The following SORCS2 variants were observed in gnomAD, a reference collection of about 807,000 sequenced individuals.
SORCS2 encodes VPS10 domain-containing receptor SorCS2.
A neutral mutation model predicts 141.6 loss-of-function variants in SORCS2; 100 were observed. The observed-to-expected ratio is 0.71, with a 90% CI of 0.60 to 0.83. The LOEUF (loss-of-function observed/expected upper bound fraction) is 0.83. Among genes scored for constraint, SORCS2 ranks in the 40% least tolerant of loss-of-function variants. The pLI is 0.00. For missense variants in SORCS2, 1,646 were observed against 1,560.2 expected (o/e 1.05, Z -0.93); for synonymous variants, 789 against 676.9 (o/e 1.17, Z -2.57).
At position 7,698,299 on chromosome 4, in the gene SORCS2, C is replaced by A. The variant is rs554704448; in HGVS notation, c.1668+1025C>A. 1.4e-3 allele frequency among the ~76,000 whole-genome samples: 210 copies of A among 152,324 alleles called. 1 individual carries two copies. The highest frequency in any genetic ancestry group is 5.4e-4 in the Non-Finnish European group (37 of 68,022). On this transcript the variant is annotated intron_variant, in intron 12 of 26. Coordinates refer to ENST00000507866, the MANE Select transcript of SORCS2 (RefSeq NM_020777.3). ...GGTCAGTGTTTTACACGCCCGAGTA[C>A]CCCAGCCACGGCCCCCCTCCCACAC...
At chr4:7,411,887 C>T (rs1426827556) in intron 2 of SORCS2, among the ~76,000 whole-genome samples, 1 of 152,156 alleles carries the variant, frequency 6.6e-6, no homozygotes, top group Non-Finnish European at 1.5e-5. Flanking sequence ...CACAGCCTCC[C>T]TTCTCTTAAA....
chr4:7,618,012 C>G (rs1159448858), intron 3 of SORCS2, among the ~76,000 whole-genome samples: 2 of 152,190 alleles, frequency 1.3e-5, no homozygotes, highest in Middle Eastern at 6.8e-3. Flanking sequence ...GATATTATGT[C>G]TGCACCCCCA....
intron 2 of SORCS2, among the ~76,000 whole-genome samples, chr4:7,505,026 A>G (rs1732192904): frequency 6.6e-6 from 1 of 152,140 alleles, no homozygotes; most frequent in Non-Finnish European, 1.5e-5. Flanking sequence ...ACCAAAGTCA[A>G]TAGGGGTGAA....
At chr4:7,439,696 A>T (rs1157497351) in intron 2 of SORCS2, among the ~76,000 whole-genome samples, 1 of 152,182 alleles carries the variant, frequency 6.6e-6, no homozygotes, top group East Asian at 1.9e-4. Context: ...TGATGTTATG[A>T]GATCCAGGCA....
chr4:7,425,017 C>T (rs1413912856), intron 2 of SORCS2, among the ~76,000 whole-genome samples: 2 of 152,234 alleles, frequency 1.3e-5, no homozygotes, highest in African/African-American at 4.8e-5. Context: ...CTTGCCCCAT[C>T]TGTGGGCCGA....
chr4:7,372,608 T>A (rs978340768), intron 1 of SORCS2, among the ~76,000 whole-genome samples: 2 of 152,208 alleles, frequency 1.3e-5, no homozygotes, highest in Non-Finnish European at 2.9e-5. Context: ...GCGCCCAGCC[T>A]GAAATTCACT....
At chr4:7,523,945 C>A (rs887870145) in intron 2 of SORCS2, among the ~76,000 whole-genome samples, 1 of 152,236 alleles carries the variant, frequency 6.6e-6, no homozygotes, top group Non-Finnish European at 1.5e-5. Context: ...CTGGGGATGA[C>A]GCACTGGAAG....
At chr4:7,195,042 G>GC (rs1281035004) in intron 1 of SORCS2, among the ~76,000 whole-genome samples, 1 of 152,100 alleles carries the variant, frequency 6.6e-6, no homozygotes, top group Non-Finnish European at 1.5e-5. Context: ...GGGAGCTTGG[G>GC]CCAGCAGGGA....
intron 1 of SORCS2, among the ~76,000 whole-genome samples, chr4:7,349,474 C>T (rs984352545): frequency 2.0e-4 from 31 of 152,122 alleles, no homozygotes; most frequent in African/African-American, 6.8e-4. Context: ...TATCCCCAGG[C>T]CCTGGAGAGG....
intron 3 of SORCS2, among the ~76,000 whole-genome samples, chr4:7,610,894 C>T (rs976543138): frequency 2.0e-5 from 3 of 152,098 alleles, no homozygotes; most frequent in African/African-American, 7.2e-5. Context: ...AGGGGCTCCC[C>T]GTGATGGGCA....
rs143006430 is a variant in SORCS2, at chr4:7,376,296, G to A, written c.481-19992G>A. Among the ~76,000 whole-genome samples, 987 of 152,196 alleles carry A rather than the reference G, an allele frequency of 6.5e-3. 11 individuals carry two copies. The highest frequency in any genetic ancestry group is 0.02 in the African/African-American group (812 of 41,516). On this transcript the variant is annotated intron_variant, in intron 1 of 26. Transcript: ENST00000507866. ...GAGTAAAAAAAAAAAAAAAATACTGGCTGGGCACGGTGGCTCATGCCTGTA... is the reference window on the plus strand; with the variant it reads ...GAGTAAAAAAAAAAAAAAAATACTGACTGGGCACGGTGGCTCATGCCTGTA...
intron 2 of SORCS2, among the ~76,000 whole-genome samples, chr4:7,463,806 C>T (rs925848183): frequency 1.3e-5 from 2 of 152,164 alleles, no homozygotes; most frequent in Non-Finnish European, 2.9e-5. Flanking sequence ...CCCTGCGCCG[C>T]CTACATACTG....
intron 2 of SORCS2, among the ~76,000 whole-genome samples, chr4:7,490,981 C>A (rs543747951): frequency 6.6e-6 from 1 of 152,180 alleles, no homozygotes; most frequent in Non-Finnish European, 1.5e-5. Flanking sequence ...AGCTGCCCAG[C>A]GGCTGGTCTC....
chr4:7,434,286 G>C (rs1244566104), intron 2 of SORCS2: 1 of 1,612,882 alleles, frequency 6.2e-7, no homozygotes, highest in African/African-American at 1.3e-5. Context: ...AGTTGGACCG[G>C]ACAGCCTCCT....
At position 7,648,188 on chromosome 4, in the gene SORCS2, A is replaced by AGAGGAG. The variant is rs56241745; in HGVS notation, c.814-5925_814-5920dup. On this transcript the variant is annotated intron_variant, in intron 4 of 26. Transcript: ENST00000507866. The surrounding 1 kb of genome is among the most constrained non-coding windows in gnomAD (Gnocchi z 4.2). ...GAGGGAGGCCATTTACTGAGACCGC[A>AGAGGAG]GAGGAGGAGGAGGAGGAGGAGGAGG... is the stretch of plus-strand genomic sequence containing the variant. 2.0e-5 allele frequency among the ~76,000 whole-genome samples: 3 copies of AGAGGAG among 150,346 alleles called. No individual in the cohort carries two copies. The highest frequency in any genetic ancestry group is 4.3e-4 in the South Asian group (2 of 4,670).
At chr4:7,649,246 G>C (rs540870046) in intron 4 of SORCS2, among the ~76,000 whole-genome samples, 71 of 152,024 alleles carry the variant, frequency 4.7e-4, no homozygotes, top group Middle Eastern at 3.4e-3. Flanking sequence ...AGAGGACCCT[G>C]TGCACATATT....
rs1242088680 is a variant in SORCS2, at chr4:7,648,417, G to C, written c.814-5717G>C. On this transcript the variant is annotated intron_variant, in intron 4 of 26. Transcript: ENST00000507866. This position sits in a 1 kb window ranked among gnomAD's most constrained non-coding sequence, Gnocchi z 4.2. The stretch of plus-strand genomic sequence containing the variant: ...GGGGATGTGTGGCATGAGCCTCAGA[G>C]TAGGCCTGATGTCACCCCCAGGCAG... 6.6e-6 allele frequency among the ~76,000 whole-genome samples: 1 copy of C among 152,128 alleles called. No individual in the cohort carries two copies. The highest frequency in any genetic ancestry group is 6.5e-5 in the Admixed American group (1 of 15,282).
chr4:7,213,026 G>A (rs1324109161), intron 1 of SORCS2, among the ~76,000 whole-genome samples: 1 of 152,254 alleles, frequency 6.6e-6, no homozygotes, highest in Non-Finnish European at 1.5e-5. Flanking sequence ...TCTGGGCGGT[G>A]TGACTTCTAC....
At chr4:7,380,882 G>C (rs1722944019) in intron 1 of SORCS2, among the ~76,000 whole-genome samples, 1 of 152,204 alleles carries the variant, frequency 6.6e-6, no homozygotes, top group Non-Finnish European at 1.5e-5. Context: ...TTGAGATCAA[G>C]GCCAGCCTGG....
Sources: allele counts gnomAD v4.1 joint callset (sites outside exome capture counted in the v4.1 genomes callset), GRCh38; gene constraint gnomAD v4.1.1; non-coding constraint Gnocchi (gnomAD v3.1); transcripts MANE v1.5; gene names NCBI Gene and HGNC (gene_info 2026-07-23, HGNC 2026-07-21).